MTAP: variants seen among roughly 807,000 people sequenced by gnomAD.
MTAP encodes the protein methylthioadenosine phosphorylase.
A neutral mutation model predicts 33.6 loss-of-function variants in MTAP; 33 were observed. That is an observed-to-expected ratio of 0.98 (90% confidence interval 0.74 to 1.31). The LOEUF (loss-of-function observed/expected upper bound fraction) is 1.31, where lower values mean the gene tolerates loss of function less well. Among genes scored for constraint, MTAP ranks in the 40% most tolerant of loss-of-function variants. The probability of loss-of-function intolerance (pLI) is 0.00; values close to 1 mark genes in which losing one functional copy is unlikely to be tolerated. For missense variants in MTAP, 367 were observed against 360.0 expected, an observed-to-expected ratio of 1.02 and a Z score of -0.16; for synonymous variants, 148 against 125.7, an observed-to-expected ratio of 1.18 and a Z score of -1.19.
intron 1 of MTAP, among the ~76,000 whole-genome samples, chr9:21,888,712 G>A (rs1340959058): frequency 6.6e-6 from 1 of 152,088 alleles, no homozygotes; most frequent in African/African-American, 2.4e-5. Flanking sequence ...GTCAGTCCCT[G>A]TGTGTTAGGT....
chr9:21,941,017 G>T, downstream of MTAP: 1 of 984,428 alleles, frequency 1.0e-6, no homozygotes, highest in Non-Finnish European at 1.2e-6. Flanking sequence ...ACATATATTT[G>T]CATGAAATCA....
At chr9:21,923,285 C>A (rs1441961092) in intron 1 of MTAP, among the ~76,000 whole-genome samples, 2 of 152,158 alleles carry the variant, frequency 1.3e-5, no homozygotes, top group African/African-American at 2.4e-5. Context: ...GCTCCAGGGT[C>A]AAGTTTTTGG....
chr9:21,824,777 T>C (rs1170684445), intron 4 of MTAP, among the ~76,000 whole-genome samples: 1 of 152,180 alleles, frequency 6.6e-6, no homozygotes, highest in Non-Finnish European at 1.5e-5. Flanking sequence ...CCACTTTGTT[T>C]ACCTACTCAA....
In MTAP at chr9:21,865,276, C is replaced by G. The variant is rs940050248; in HGVS notation, c.*3262C>G. On this transcript the variant is annotated 3_prime_UTR_variant, in exon 8 of 8. Coordinates refer to ENST00000644715, the MANE Select transcript of MTAP (RefSeq NM_002451.4). ...TCCCCCTTTTGCTCAACACTTCTTCCTGCCATCATGTGAAGAAGGACGTGT... is the reference window on the plus strand; with the variant it reads ...TCCCCCTTTTGCTCAACACTTCTTCGTGCCATCATGTGAAGAAGGACGTGT... The G allele has an allele frequency of 1.8e-5, 8 of 437,868 alleles. No individual in the cohort carries two copies. The highest frequency in any genetic ancestry group is 6.4e-5 in the Admixed American group (1 of 15,612). 27.1% of individuals were successfully genotyped at this position (437,868 alleles called of 1,614,324 possible).
At chr9:21,824,361 G>A (rs1159620301) in intron 4 of MTAP, among the ~76,000 whole-genome samples, 1 of 152,166 alleles carries the variant, frequency 6.6e-6, no homozygotes, top group Admixed American at 6.5e-5. Flanking sequence ...GTTTGCTGGA[G>A]GTCCACTCCA....
chr9:21,890,568 C>T (rs150646893), intron 1 of MTAP, among the ~76,000 whole-genome samples: 1 of 152,264 alleles, frequency 6.6e-6, no homozygotes, highest in African/African-American at 2.4e-5. Flanking sequence ...CCCCAAGGAC[C>T]CTTGTGAGAA....
chr9:21,915,002 TCCTTCCTTCCTTCCTTC>T (rs1818654221), intron 1 of MTAP, among the ~76,000 whole-genome samples: 1 of 18,200 alleles, frequency 5.5e-5, no homozygotes, highest in African/African-American at 1.5e-4. Flanking sequence ...TTGTTTTCTT[TCCTTCCTTCCTTCCTTC>T]CTTCCTTCCT....
chr9:21,846,467 A>G (rs954033165), intron 5 of MTAP, among the ~76,000 whole-genome samples: 1 of 152,100 alleles, frequency 6.6e-6, no homozygotes, highest in Admixed American at 6.5e-5. Context: ...TTCAAAACAC[A>G]TGGCCAACAC....
At chr9:21,926,894 A>G (rs1296777853) in intron 1 of MTAP, among the ~76,000 whole-genome samples, 2 of 152,212 alleles carry the variant, frequency 1.3e-5, no homozygotes, top group Non-Finnish European at 2.9e-5. Flanking sequence ...CAGAATGGAT[A>G]CAGGCCATCC....
At chr9:21,912,737 C>T (rs1214950505) in intron 1 of MTAP, among the ~76,000 whole-genome samples, 1 of 152,166 alleles carries the variant, frequency 6.6e-6, no homozygotes, top group African/African-American at 2.4e-5. Context: ...CAGGGGTGCC[C>T]TCTCTCACCA....
intron 1 of MTAP, among the ~76,000 whole-genome samples, chr9:21,810,102 C>G (rs555581498): frequency 6.6e-6 from 1 of 152,320 alleles, no homozygotes; most frequent in Admixed American, 6.5e-5. Flanking sequence ...CCTGCTATAA[C>G]AAAGCACTAC....
intron 1 of MTAP, among the ~76,000 whole-genome samples, chr9:21,911,721 T>C (rs1448987602): frequency 2.0e-5 from 3 of 151,836 alleles, no homozygotes; most frequent in African/African-American, 7.3e-5. Flanking sequence ...TTAAAAGAAC[T>C]AGAGAAGGAA....
chr9:21,912,690 A>G (rs965505810), intron 1 of MTAP, among the ~76,000 whole-genome samples: 1 of 152,206 alleles, frequency 6.6e-6, no homozygotes, highest in African/African-American at 2.4e-5. Context: ...TGAATGGGCA[A>G]AAACTGGAAG....
At position 21,878,406 on chromosome 9, in the gene MTAP, G is replaced by T. The variant is rs528585796; in HGVS notation, c.147+23536G>T. 2.6e-5 allele frequency among the ~76,000 whole-genome samples: 4 copies of T among 152,044 alleles called. No homozygotes were observed. In the East Asian group the frequency reaches 7.7e-4, roughly 29 times the overall value. ...CTTGTTTTCTGTTAGCTTTGGGGTT[G>T]GTTTGCTTTTGTTTTTCTGGTTCCT... On this transcript the variant is annotated intron_variant, in intron 1 of 1. Transcript: ENST00000577563.
chr9:21,859,446 A>T, intron 7 of MTAP, 21 bp downstream of exon 7: 1 of 1,600,266 alleles, frequency 6.2e-7, no homozygotes, highest in African/African-American at 1.4e-5. Context: ...GCCATGGACA[A>T]TCAGGCATGT....
intron 4 of MTAP, among the ~76,000 whole-genome samples, chr9:21,829,487 G>A (rs540265682): frequency 4.7e-4 from 71 of 150,924 alleles, no homozygotes; most frequent in African/African-American, 1.7e-3. Flanking sequence ...CTGCAGTAAT[G>A]CAATCTCGGC....
chr9:21,828,863 ACAT>A (rs1824891248), intron 4 of MTAP, among the ~76,000 whole-genome samples: 1 of 152,202 alleles, frequency 6.6e-6, no homozygotes, highest in African/African-American at 2.4e-5. Context: ...TAGGTGGCTA[ACAT>A]CATATTGCTG....
intron 4 of MTAP, among the ~76,000 whole-genome samples, chr9:21,833,995 G>A (rs1366261329): frequency 6.6e-6 from 1 of 151,990 alleles, no homozygotes; most frequent in Non-Finnish European, 1.5e-5. Context: ...CTTTTCCATA[G>A]GCTGTTTTTT....
At chr9:21,850,112 C>T (rs758814035) in intron 5 of MTAP, among the ~76,000 whole-genome samples, 3 of 152,202 alleles carry the variant, frequency 2.0e-5, no homozygotes, top group Admixed American at 6.5e-5. Context: ...GATGACAGTA[C>T]GCTGATTGGA....
Sources: gnomAD v4.1 joint callset for allele counts (sites outside exome capture counted in the v4.1 genomes callset) on GRCh38, gnomAD v4.1.1 for gene constraint, MANE v1.5 for transcripts, NCBI Gene and HGNC (gene_info 2026-07-23, HGNC 2026-07-21) for gene names.